Variants in SPAG16 observed in about 807,000 individuals in gnomAD.
The protein encoded by SPAG16 is sperm associated antigen 16, also known as sperm-associated antigen 16 protein.
A neutral mutation model predicts 80.4 loss-of-function variants in SPAG16; 86 were observed. That is an observed-to-expected ratio of 1.07 (90% confidence interval 0.90 to 1.28). The LOEUF (loss-of-function observed/expected upper bound fraction) is 1.28. Ranked by LOEUF, SPAG16 falls within the 50% of genes most tolerant of loss-of-function variation. SPAG16 has a pLI of 0.00. For missense variants in SPAG16, 870 were observed against 765.3 expected (o/e 1.14, Z -1.61); for synonymous variants, 294 against 265.9 (o/e 1.11, Z -1.03).
chr2:214,056,708 C>A (rs1035060598), intron 13 of SPAG16, among the ~76,000 whole-genome samples: 4 of 152,084 alleles, frequency 2.6e-5, no homozygotes, highest in African/African-American at 9.7e-5. Context: ...TAGACTGACT[C>A]TTTGATAAAT....
intron 10 of SPAG16, among the ~76,000 whole-genome samples, chr2:213,711,985 G>A (rs1256663155): frequency 6.6e-6 from 1 of 151,738 alleles, no homozygotes; most frequent in African/African-American, 2.4e-5. Context: ...TATTTTTAAG[G>A]GTTTACACAA....
chr2:213,775,344 G>A (rs1180558686), intron 10 of SPAG16, among the ~76,000 whole-genome samples: 1 of 152,058 alleles, frequency 6.6e-6, no homozygotes, highest in East Asian at 1.9e-4. Context: ...CATGTTTAAT[G>A]TATACAACTA....
chr2:213,895,696 A>T (rs2076966692), intron 11 of SPAG16, among the ~76,000 whole-genome samples: 1 of 152,154 alleles, frequency 6.6e-6, no homozygotes, highest in African/African-American at 2.4e-5. Context: ...TGGAAGCTAT[A>T]TTTAATAAAT....
At chr2:213,438,668 A>T (rs2070771452) in intron 9 of SPAG16, among the ~76,000 whole-genome samples, 1 of 152,210 alleles carries the variant, frequency 6.6e-6, no homozygotes, top group South Asian at 2.1e-4. Flanking sequence ...GATTGTGGGC[A>T]AAACCTGTAA....
At chr2:213,683,321 C>A (rs938650972) in intron 10 of SPAG16, among the ~76,000 whole-genome samples, 2 of 152,054 alleles carry the variant, frequency 1.3e-5, no homozygotes, top group African/African-American at 4.8e-5. Flanking sequence ...GAGGTTAAGC[C>A]GGGCAGATCA....
chr2:213,347,686 T>C, intron 6 of SPAG16, among the ~76,000 whole-genome samples: 1 of 152,230 alleles, frequency 6.6e-6, no homozygotes, highest in Non-Finnish European at 1.5e-5. Context: ...TTCCATGTAG[T>C]TGAGCGGTTT....
intron 15 of SPAG16, among the ~76,000 whole-genome samples, chr2:214,317,561 G>C (rs973863767): frequency 6.6e-6 from 1 of 152,150 alleles, no homozygotes; most frequent in Admixed American, 6.5e-5. Flanking sequence ...AGTAATTACT[G>C]CTAAAAATAA....
chr2:214,253,744 T>A (rs1690473299), intron 15 of SPAG16, among the ~76,000 whole-genome samples: 1 of 152,206 alleles, frequency 6.6e-6, no homozygotes, highest in African/African-American at 2.4e-5. Context: ...GAGTGATGCC[T>A]CCAGCTTTGT....
In SPAG16 at chr2:213,537,479, TA is replaced by T. The variant is rs908180446; in HGVS notation, c.1070+47400del. Among the ~76,000 whole-genome samples, 116 of 147,022 alleles carry T rather than the reference TA, an allele frequency of 7.9e-4. No homozygotes were observed. In the South Asian group the frequency reaches 9.5e-3, roughly 12 times the overall value. On this transcript the variant is annotated intron_variant, in intron 10 of 15. Coordinates refer to ENST00000331683, the MANE Select transcript of SPAG16 (RefSeq NM_024532.5). Reference sequence around the variant, plus strand: ...TTAAAATGATCACATTTTTATAATTTAAAAAAAAAAAGAATCTCCAAGGGCT... The same window carrying T: ...TTAAAATGATCACATTTTTATAATTTAAAAAAAAAAGAATCTCCAAGGGCT...
intron 10 of SPAG16, among the ~76,000 whole-genome samples, chr2:213,706,736 T>C (rs767840006): frequency 4.0e-4 from 61 of 152,242 alleles, no homozygotes; most frequent in Non-Finnish European, 5.4e-4. Flanking sequence ...CTTTTTGTTT[T>C]TTTTCCTCAC....
At chr2:214,054,620 T>G (rs1318079201) in intron 13 of SPAG16, among the ~76,000 whole-genome samples, 3 of 152,110 alleles carry the variant, frequency 2.0e-5, no homozygotes, top group African/African-American at 7.2e-5. Context: ...TTTCTATAAT[T>G]TTTTTTGCTG....
At position 214,278,520 on chromosome 2, in the gene SPAG16, C is replaced by T. The variant is rs190784959; in HGVS notation, c.1720+129254C>T. Among the ~76,000 whole-genome samples the T allele has an allele frequency of 6.3e-3, 956 of 152,282 alleles. 5 individuals carry two copies. The highest frequency in any genetic ancestry group is 0.014 in the Middle Eastern group (4 of 294). ...TTTTGTCTAGGTGGAGGAACTGTAT[C>T]ATACAGTGGTATATTTGAGCTACTG... On this transcript the variant is annotated intron_variant, in intron 15 of 15. Coordinates refer to ENST00000331683, the MANE Select transcript of SPAG16 (RefSeq NM_024532.5).
At chr2:214,260,287 A>T (rs1213639305) in intron 15 of SPAG16, among the ~76,000 whole-genome samples, 1 of 152,138 alleles carries the variant, frequency 6.6e-6, no homozygotes, top group African/African-American at 2.4e-5. Flanking sequence ...AGGCAACTAA[A>T]TACCACTTGT....
At chr2:214,157,298 C>T (rs1167455418) in intron 15 of SPAG16, among the ~76,000 whole-genome samples, 2 of 151,988 alleles carry the variant, frequency 1.3e-5, no homozygotes, top group African/African-American at 2.4e-5. Context: ...AATAAATACA[C>T]ATGTTCTTAC....
intron 10 of SPAG16, among the ~76,000 whole-genome samples, chr2:213,721,792 AT>A (rs1346927228): frequency 6.6e-6 from 1 of 152,236 alleles, no homozygotes; most frequent in Admixed American, 6.5e-5. Flanking sequence ...TTATCAGGGT[AT>A]AATGCATTCA....
intron 10 of SPAG16, among the ~76,000 whole-genome samples, chr2:213,697,177 T>A (rs895534373): frequency 6.6e-5 from 10 of 152,148 alleles, no homozygotes; most frequent in African/African-American, 2.4e-4. Context: ...AGCCCTAGAT[T>A]GAATCTATTT....
At chr2:214,217,770 A>C (rs1279363735) in intron 15 of SPAG16, among the ~76,000 whole-genome samples, 1 of 152,210 alleles carries the variant, frequency 6.6e-6, no homozygotes, top group Non-Finnish European at 1.5e-5. Flanking sequence ...TAGTAGAATG[A>C]AGGAAACGGT....
At chr2:213,917,019 A>G (rs2078002231) in intron 11 of SPAG16, among the ~76,000 whole-genome samples, 1 of 152,050 alleles carries the variant, frequency 6.6e-6, no homozygotes, top group African/African-American at 2.4e-5. Context: ...TCTGGCTAGC[A>G]CATTTTATTG....
chr2:214,084,238 G>A (rs1243816981), intron 13 of SPAG16, among the ~76,000 whole-genome samples: 7 of 151,936 alleles, frequency 4.6e-5, no homozygotes, highest in Admixed American at 4.6e-4. Flanking sequence ...CCTCTCATTT[G>A]TTTACATCTG....
Sources: gnomAD v4.1 joint callset for allele counts (sites outside exome capture counted in the v4.1 genomes callset) on GRCh38, gnomAD v4.1.1 for gene constraint, MANE v1.5 for transcripts, NCBI Gene and HGNC (gene_info 2026-07-23, HGNC 2026-07-21) for gene names.